The following ARHGAP24 variants were observed in gnomAD, a reference collection of about 807,000 sequenced individuals.
ARHGAP24 encodes the protein rho GTPase-activating protein 24.
A neutral mutation model predicts 76.4 loss-of-function variants in ARHGAP24; 50 were observed. The observed-to-expected ratio is 0.65, with a 90% confidence interval of 0.52 to 0.83. The LOEUF is 0.83. Ranked by LOEUF, ARHGAP24 falls within the 40% of genes least tolerant of loss-of-function variation. The probability of loss-of-function intolerance (pLI) is 0.00; values close to 1 mark genes in which losing one functional copy is unlikely to be tolerated. For missense variants in ARHGAP24, 930 were observed against 914.2 expected (o/e 1.02, Z -0.22); for synonymous variants, 345 against 323.3 (o/e 1.07, Z -0.72).
chr4:85,781,316 A>G (rs768687441), intron 3 of ARHGAP24, among the ~76,000 whole-genome samples: 1 of 152,232 alleles, frequency 6.6e-6, no homozygotes, highest in Non-Finnish European at 1.5e-5. Flanking sequence ...ATATTTTTAT[A>G]TTGTGCATTT....
At chr4:85,894,960 C>CAAAAAA (rs540459367) in intron 3 of ARHGAP24, among the ~76,000 whole-genome samples, 32 of 35,278 alleles carry the variant, frequency 9.1e-4, no homozygotes, top group Non-Finnish European at 1.2e-3. Flanking sequence ...GACTCCCTCT[C>CAAAAAA]AAAAAAAAAA....
chr4:85,867,902 T>C (rs370940627), intron 3 of ARHGAP24, among the ~76,000 whole-genome samples: 3 of 73,658 alleles, frequency 4.1e-5, no homozygotes, highest in African/African-American at 1.1e-4. Context: ...TGTGTACATA[T>C]ATATATACAT....
chr4:85,651,695 G>A (rs4484294), intron 2 of ARHGAP24, among the ~76,000 whole-genome samples: 1 of 137,188 alleles, frequency 7.3e-6, no homozygotes, highest in Non-Finnish European at 1.5e-5. Context: ...TCTAATAATA[G>A]GTCATAAGTG....
intron 3 of ARHGAP24, among the ~76,000 whole-genome samples, chr4:85,756,705 C>T (rs1345404446): frequency 2.6e-5 from 4 of 152,062 alleles, no homozygotes; most frequent in Admixed American, 6.6e-5. Flanking sequence ...AGTGTCAAAC[C>T]CTTTGCCACC....
intron 6 of ARHGAP24, among the ~76,000 whole-genome samples, chr4:85,974,465 A>T (rs1739210192): frequency 6.6e-6 from 1 of 152,312 alleles, no homozygotes; most frequent in East Asian, 1.9e-4. Context: ...TCCCCAAATG[A>T]TGTATCCTAA....
intron 3 of ARHGAP24, among the ~76,000 whole-genome samples, chr4:85,767,665 A>AT (rs397940470): frequency 8.6e-5 from 13 of 151,512 alleles, no homozygotes; most frequent in Non-Finnish European, 1.6e-4. Flanking sequence ...TTAAAGAAAA[A>AT]GAAACAATGT....
intron 3 of ARHGAP24, among the ~76,000 whole-genome samples, chr4:85,894,960 C>CAAAAAAAAA (rs540459367): frequency 5.4e-4 from 19 of 35,358 alleles, no homozygotes; most frequent in Non-Finnish European, 9.2e-4. Context: ...GACTCCCTCT[C>CAAAAAAAAA]AAAAAAAAAA....
chr4:85,694,188 G>A (rs35250811), intron 2 of ARHGAP24, among the ~76,000 whole-genome samples: 28,331 of 151,828 alleles, frequency 0.19, 3,396 homozygotes, highest in East Asian at 0.58. Context: ...TTTCTTGGTG[G>A]GAGCAGCACT....
chr4:85,598,341 A>G (rs1173386463), intron 2 of ARHGAP24, among the ~76,000 whole-genome samples: 1 of 152,080 alleles, frequency 6.6e-6, no homozygotes, highest in Admixed American at 6.6e-5. Flanking sequence ...CTAATTACTC[A>G]TTACATTTAG....
chr4:85,764,547 A>G (rs1484385248), intron 3 of ARHGAP24, among the ~76,000 whole-genome samples: 4 of 152,278 alleles, frequency 2.6e-5, no homozygotes, highest in African/African-American at 9.6e-5. Context: ...TTGATTGAGA[A>G]GCAAGATGTG....
At chr4:85,772,464 A>G (rs1051322093) in intron 3 of ARHGAP24, among the ~76,000 whole-genome samples, 15 of 152,152 alleles carry the variant, frequency 9.9e-5, no homozygotes, top group African/African-American at 3.4e-4. Flanking sequence ...TCTGTATTCA[A>G]TGTCTTAGTT....
intron 1 of ARHGAP24, among the ~76,000 whole-genome samples, chr4:85,555,725 C>T (rs2086533): frequency 0.82 from 125,113 of 152,044 alleles, 53,958 homozygotes; most frequent in East Asian, 0.98. Context: ...TGGAAGAGGG[C>T]CTTTCACTTG....
intron 3 of ARHGAP24, among the ~76,000 whole-genome samples, chr4:85,758,637 G>A (rs967440334): frequency 1.3e-5 from 2 of 152,222 alleles, no homozygotes; most frequent in Non-Finnish European, 1.5e-5. Flanking sequence ...GCACATGGGT[G>A]CGTTGGAGGA....
intron 2 of ARHGAP24, among the ~76,000 whole-genome samples, chr4:85,666,492 A>G (rs546160741): frequency 9.2e-5 from 14 of 151,960 alleles, no homozygotes; most frequent in African/African-American, 2.2e-4. Context: ...TCTTCTCTCA[A>G]CTCGTCAAAG....
chr4:85,943,249 TC>T (rs1484819124), intron 5 of ARHGAP24, among the ~76,000 whole-genome samples: 3 of 152,204 alleles, frequency 2.0e-5, no homozygotes, highest in African/African-American at 7.2e-5. Context: ...TAGCCTACTG[TC>T]TTAGTCCATT....
At chr4:85,945,395 C>T (rs146695656) in intron 5 of ARHGAP24, among the ~76,000 whole-genome samples, 1 of 151,722 alleles carries the variant, frequency 6.6e-6, no homozygotes, top group Non-Finnish European at 1.5e-5. Flanking sequence ...TCAAGGTTTG[C>T]TTTGTATTTA....
intron 3 of ARHGAP24, among the ~76,000 whole-genome samples, chr4:85,918,621 C>A (rs186003338): frequency 1.9e-3 from 286 of 152,068 alleles, no homozygotes; most frequent in African/African-American, 6.8e-3. Context: ...CTATTAAATC[C>A]ATTAAGCTTT....
At chr4:85,627,655 C>G (rs1193804648) in intron 2 of ARHGAP24, among the ~76,000 whole-genome samples, 1 of 152,204 alleles carries the variant, frequency 6.6e-6, no homozygotes, top group African/African-American at 2.4e-5. Context: ...TTGTCTGTGC[C>G]CTGCCCCCAG....
chr4:85,608,161 T>C (rs1184123258), intron 2 of ARHGAP24, among the ~76,000 whole-genome samples: 1 of 152,066 alleles, frequency 6.6e-6, no homozygotes, highest in Non-Finnish European at 1.5e-5. Context: ...TGCTCAAAAA[T>C]ATGAATTGAA....
Sources: gnomAD v4.1 joint callset for allele counts (sites outside exome capture counted in the v4.1 genomes callset) on GRCh38, gnomAD v4.1.1 for gene constraint, MANE v1.5 for transcripts, NCBI Gene and HGNC (gene_info 2026-07-23, HGNC 2026-07-21) for gene names.